ACTR3C: variants seen among roughly 807,000 people sequenced by gnomAD.
The protein encoded by ACTR3C is actin-related protein 3C.
In ACTR3C, 18 loss-of-function variants were observed where a neutral mutation model predicts 26.3. The observed-to-expected ratio is 0.68, with a 90% confidence interval of 0.47 to 1.01. ACTR3C has a LOEUF of 1.01. Ranked by LOEUF, ACTR3C falls within the 50% of genes least tolerant of loss-of-function variation. The pLI, the probability that ACTR3C is intolerant of heterozygous loss-of-function variation, is 0.00. For missense variants in ACTR3C, 184 were observed against 250.7 expected (o/e 0.73, Z 1.80); for synonymous variants, 55 against 94.5 (o/e 0.58, Z 2.42).
the ACTR3C span, among the ~76,000 whole-genome samples, chr7:150,132,729 C>A: frequency 6.6e-6 from 1 of 152,148 alleles, no homozygotes; most frequent in Non-Finnish European, 1.5e-5. Flanking sequence ...TACCATTTGA[C>A]CCAGCAATCC....
chr7:149,995,009 A>G, the ACTR3C span, among the ~76,000 whole-genome samples: 6 of 151,852 alleles, frequency 4.0e-5, no homozygotes, highest in African/African-American at 1.5e-4. Flanking sequence ...CACCCGCCAC[A>G]GTGCCCAGCT....
At chr7:150,149,053 C>T in the ACTR3C span, among the ~76,000 whole-genome samples, 1 of 139,476 alleles carries the variant, frequency 7.2e-6, no homozygotes, top group African/African-American at 2.6e-5. Context: ...TTAATATGCA[C>T]TCTCTTGGTT....
chr7:150,071,147 G>A, the ACTR3C span, among the ~76,000 whole-genome samples: 10 of 150,052 alleles, frequency 6.7e-5, no homozygotes, highest in South Asian at 4.2e-4. Flanking sequence ...TGTTTGAGAC[G>A]GAGTCTCGCT....
At chr7:150,053,513 A>G in the ACTR3C span, among the ~76,000 whole-genome samples, 1 of 152,248 alleles carries the variant, frequency 6.6e-6, no homozygotes, top group Non-Finnish European at 1.5e-5. Flanking sequence ...GTGAAGGACC[A>G]AGTCCTGCTT....
chr7:150,224,276 C>T, the ACTR3C span, among the ~76,000 whole-genome samples: 1 of 152,350 alleles, frequency 6.6e-6, no homozygotes, highest in Non-Finnish European at 1.5e-5. Context: ...AATCAGCCCT[C>T]TGGCCTCCAA....
At chr7:150,300,088 C>CA (rs1795306117) in intron 1 of ACTR3C, among the ~76,000 whole-genome samples, 1 of 152,102 alleles carries the variant, frequency 6.6e-6, no homozygotes, top group African/African-American at 2.4e-5. Context: ...CGCAATGGCT[C>CA]ACACCTATAA....
At chr7:150,147,316 C>G in the ACTR3C span, among the ~76,000 whole-genome samples, 5 of 151,554 alleles carry the variant, frequency 3.3e-5, no homozygotes, top group Non-Finnish European at 7.4e-5. Flanking sequence ...CTTTTTATAC[C>G]AACAACAGGG....
chr7:149,950,575 C>T, the ACTR3C span, among the ~76,000 whole-genome samples: 1 of 151,546 alleles, frequency 6.6e-6, no homozygotes, highest in African/African-American at 2.4e-5. Flanking sequence ...AACCACACGT[C>T]CTCCTGATAC....
the ACTR3C span, among the ~76,000 whole-genome samples, chr7:150,199,024 G>A: frequency 1.4e-5 from 2 of 146,882 alleles, no homozygotes; most frequent in Admixed American, 1.3e-4. Context: ...CCGTCCGGGA[G>A]GTGAGGGGCG....
the ACTR3C span, among the ~76,000 whole-genome samples, chr7:149,972,995 TG>T: frequency 6.6e-6 from 1 of 151,882 alleles, no homozygotes; most frequent in Non-Finnish European, 1.5e-5. Context: ...GCCCCGTGCA[TG>T]GGCAGCATGT....
chr7:149,945,257 C>T, the ACTR3C span, among the ~76,000 whole-genome samples: 2 of 151,384 alleles, frequency 1.3e-5, no homozygotes, highest in Non-Finnish European at 2.9e-5. Flanking sequence ...CAATGCACTT[C>T]ACAGCTGGTC....
At chr7:150,220,976 T>G in the ACTR3C span, among the ~76,000 whole-genome samples, 1 of 152,044 alleles carries the variant, frequency 6.6e-6, no homozygotes, top group Non-Finnish European at 1.5e-5. Flanking sequence ...CTTCCCGGGA[T>G]GGTCGGGAGG....
intron 1 of ACTR3C, among the ~76,000 whole-genome samples, 183 bp from the exon 2 acceptor site, chr7:150,295,530 C>T (rs1191624151): frequency 6.6e-6 from 1 of 152,304 alleles, no homozygotes; most frequent in Non-Finnish European, 1.5e-5. Flanking sequence ...AGCTTTAAGA[C>T]GTCAGAGTAA....
chr7:149,920,453 C>A, the ACTR3C span, among the ~76,000 whole-genome samples: 2 of 151,588 alleles, frequency 1.3e-5, no homozygotes, highest in Non-Finnish European at 2.9e-5. Flanking sequence ...ACCACAGGCA[C>A]GCATCACCAC....
chr7:150,260,033 C>A lies in ACTR3C; in HGVS notation c.565-10979G>T, dbSNP rs184109899. The stretch of plus-strand genomic sequence containing the variant: ...AAGTTGGCAAACTACAGGCCGTGGG[C>A]TAAATATGCTCCAGTGCCTGTTTTT... On this transcript the variant is annotated intron_variant, in intron 6 of 7. Coordinates refer to ENST00000683684, the MANE Select transcript of ACTR3C (RefSeq NM_001164458.2). 1.4e-3 allele frequency among the ~76,000 whole-genome samples: 218 copies of A among 152,316 alleles called. 1 individual carries two copies. The highest frequency in any genetic ancestry group is 2.7e-3 in the Admixed American group (41 of 15,308).
chr7:149,927,307 G>GT, the ACTR3C span, among the ~76,000 whole-genome samples: 1 of 151,828 alleles, frequency 6.6e-6, no homozygotes, highest in South Asian at 2.1e-4. Flanking sequence ...AAGCAATCCT[G>GT]TAACCTCCCC....
chr7:150,148,891 T>C, the ACTR3C span, among the ~76,000 whole-genome samples: 1 of 151,790 alleles, frequency 6.6e-6, no homozygotes, highest in Non-Finnish European at 1.5e-5. Flanking sequence ...ATGAATTCTA[T>C]ATCTAGTGCT....
chr7:150,034,904 TC>T, the ACTR3C span, among the ~76,000 whole-genome samples: 4 of 133,670 alleles, frequency 3.0e-5, no homozygotes, highest in Admixed American at 1.5e-4. Flanking sequence ...GGGGGGTGCC[TC>T]CCCCACCCTG....
At chr7:149,983,905 C>T in the ACTR3C span, among the ~76,000 whole-genome samples, 1 of 152,058 alleles carries the variant, frequency 6.6e-6, no homozygotes, top group East Asian at 1.9e-4. Context: ...GGTTCCACTT[C>T]CTAAAGCAGG....
Sources: allele counts gnomAD v4.1 joint callset (sites outside exome capture counted in the v4.1 genomes callset), GRCh38; gene constraint gnomAD v4.1.1; transcripts MANE v1.5; gene names NCBI Gene and HGNC (gene_info 2026-07-23, HGNC 2026-07-21).